Variants in HUWE1 observed in about 807,000 individuals in gnomAD.
The protein encoded by HUWE1 is E3 ubiquitin-protein ligase HUWE1.
A neutral mutation model predicts 299.4 loss-of-function variants in HUWE1; 18 were observed. That is an observed-to-expected ratio of 0.06 (90% CI 0.04 to 0.09). The LOEUF is 0.09. Ranked by LOEUF, HUWE1 falls within the 10% of genes least tolerant of loss-of-function variation. HUWE1 has a pLI of 1.00. For missense variants in HUWE1, 1,832 were observed against 3,462.3 expected, an observed-to-expected ratio of 0.53 and a Z score of 11.82; for synonymous variants, 1,317 against 1,286.1, an observed-to-expected ratio of 1.02 and a Z score of -0.51.
At chrX:53,681,515 T>C (rs1358839441) in intron 2 of HUWE1, among the ~76,000 whole-genome samples, 5 of 109,724 alleles carry the variant, frequency 4.6e-5, no homozygotes, top group African/African-American at 6.6e-5. Context: ...AAATATAAAA[T>C]GGCAATAACA....
chrX:53,628,676 C>A (rs1296845702), intron 14 of HUWE1, 56 bp from the exon 15 acceptor site: 2 of 1,204,108 alleles, frequency 1.7e-6, no homozygotes, highest in Admixed American at 4.4e-5. Context: ...TGCTGTTAAG[C>A]AGGCAGGATA....
At position 53,652,031 on chromosome X, in the gene HUWE1, T is replaced by C. The variant is rs183116361; in HGVS notation, c.45+2032A>G. On this transcript the variant is annotated intron_variant, in intron 4 of 83. Coordinates refer to ENST00000262854, the MANE Select transcript of HUWE1 (RefSeq NM_031407.7). ...TTTAAAAACGGGCAAGGGTCTTGAA[T>C]AGACATTTATCCAGATGTCTATTTA... Among the ~76,000 whole-genome samples, 177 of 112,053 alleles carry C rather than the reference T, an allele frequency of 1.6e-3. 2 individuals carry two copies. Among genetic ancestry groups the C allele is most frequent in the African/African-American group, 5.4e-3 (167 of 30,842 alleles).
In HUWE1 at chrX:53,546,578, G is replaced by A. The variant is rs1556923035; in HGVS notation, c.10773C>T (p.His3591=). The A allele has an allele frequency of 8.3e-7, 1 of 1,210,158 alleles. No individual in the cohort carries two copies. The change falls in exon 70 of 84, where the codon CAC becomes CAT. Residue 3591 remains histidine, a synonymous_variant. Transcript: ENST00000262854. ...CCTCTAAGCCTTCCTCAGAACAAGAGTGGGATGTCAACACCTGAGAAAAAG... is the reference window on the plus strand; with the variant it reads ...CCTCTAAGCCTTCCTCAGAACAAGAATGGGATGTCAACACCTGAGAAAAAG... ...LQLSVEVLTS[H]SCSEEGLEDA...
chrX:53,676,926 C>G, intron 3 of HUWE1, among the ~76,000 whole-genome samples: 1 of 110,859 alleles, frequency 9.0e-6, no homozygotes, highest in East Asian at 2.8e-4. Context: ...GCTGAGTAAC[C>G]AAATAAAAGA....
At chrX:53,603,202 T>C (rs1556992864) in intron 27 of HUWE1, among the ~76,000 whole-genome samples, 166 bp downstream of exon 27, 1 of 111,401 alleles carries the variant, frequency 9.0e-6, no homozygotes, top group Non-Finnish European at 1.9e-5. Flanking sequence ...TTTAAACATC[T>C]ACCATGACGA....
chrX:53,641,710 T>C (rs1311746955), intron 7 of HUWE1, among the ~76,000 whole-genome samples: 3 of 111,947 alleles, frequency 2.7e-5, no homozygotes, highest in African/African-American at 9.7e-5. Context: ...TAAAAAATCA[T>C]ATGTATCAAT....
chrX:53,570,875 C>T (rs1333920653), intron 47 of HUWE1, among the ~76,000 whole-genome samples: 2 of 112,648 alleles, frequency 1.8e-5, no homozygotes, highest in African/African-American at 6.4e-5. Flanking sequence ...AAAGAAAATG[C>T]ATTGAATAAT....
intron 2 of HUWE1, among the ~76,000 whole-genome samples, chrX:53,681,023 G>A (rs139745309): frequency 0.011 from 1,208 of 111,061 alleles, 22 homozygotes; most frequent in African/African-American, 0.038. Flanking sequence ...TTTTCACCAC[G>A]TTTCTACTTC....
intron 70 of HUWE1, among the ~76,000 whole-genome samples, chrX:53,546,074 G>A (rs147164730): frequency 8.9e-6 from 1 of 111,878 alleles, no homozygotes; most frequent in South Asian, 3.7e-4. Flanking sequence ...GCAGTGTAGG[G>A]ACATACTTTG....
intron 66 of HUWE1, 89 bp downstream of exon 66, chrX:53,550,577 G>C: frequency 3.6e-6 from 3 of 836,632 alleles, no homozygotes; most frequent in Non-Finnish European, 5.3e-6. Context: ...CTGCCTGTCA[G>C]GATTTCAGCT....
rs1266542632 is a variant in HUWE1, at chrX:53,569,778, T to G, written c.6362A>C (p.Gln2121Pro). ...AGGGGTGTCCTTGTCTTCTGCATTCTGGGTATGTGGGAGCAGGTGGTCCAG... is the reference window on the plus strand; with the variant it reads ...AGGGGTGTCCTTGTCTTCTGCATTCGGGGTATGTGGGAGCAGGTGGTCCAG... ...FVLDHLLPHT[Q>P]NAEDKDTPAL... The change falls in exon 48 of 84, where the codon CAG becomes CCG. Residue 2121 changes from glutamine (Q) to proline (P), a missense_variant. By Grantham distance (76) the Gln-to-Pro change is moderately conservative (BLOSUM62 -1). This residue lies in a region of HUWE1 where 157 missense variants were observed against 252.3 expected (regional missense o/e 0.62). Coordinates refer to ENST00000262854, the MANE Select transcript of HUWE1 (RefSeq NM_031407.7). 2 of 1,210,779 alleles carry G rather than the reference T, an allele frequency of 1.7e-6. No individual in the cohort carries two copies. The highest frequency in any genetic ancestry group is 2.2e-6 in the Non-Finnish European group (2 of 895,401).
rs1055312590 is a variant in HUWE1, at chrX:53,654,216, G to T, written c.-24-85C>A. On this transcript the variant is annotated intron_variant, in intron 3 of 83. Coordinates refer to ENST00000262854, the MANE Select transcript of HUWE1 (RefSeq NM_031407.7). ...AGCTTGGACACAGACAATACAGAAT[G>T]AAGAGCAATGCAAAATGCTTAAAGT... 6.8e-6 allele frequency: 4 copies of T among 586,357 alleles called. No homozygotes were observed. The African/African-American group carries it at 9.1e-5, about 13-fold the overall frequency. The allele number at this position is 586,357 out of a possible 1,213,427, so 48.3% of individuals were successfully genotyped here. A position where few individuals can be genotyped will look rare whatever the true frequency, so the allele number is the denominator to read the frequency against.
intron 19 of HUWE1, among the ~76,000 whole-genome samples, chrX:53,620,284 C>T (rs2066062159): frequency 9.8e-6 from 1 of 102,556 alleles, no homozygotes; most frequent in South Asian, 4.7e-4. Flanking sequence ...GAGACAAGGT[C>T]TCACTCTGTT....
At chrX:53,684,191 C>G (rs1336488157) in intron 2 of HUWE1, 2 of 239,315 alleles carry the variant, frequency 8.4e-6, no homozygotes, top group Admixed American at 6.8e-5. Context: ...ACGGCCGGCT[C>G]CCGCATGCGT....
At chrX:53,592,730 C>T in intron 32 of HUWE1, 102 bp from the exon 33 acceptor site, 1 of 602,678 alleles carries the variant, frequency 1.7e-6, no homozygotes. Flanking sequence ...ACAACTAGTA[C>T]CAGCAACAAA....
chrX:53,544,059 G>A, intron 72 of HUWE1, 91 bp from the exon 73 acceptor site: 2 of 836,883 alleles, frequency 2.4e-6, no homozygotes, highest in East Asian at 3.4e-5. Context: ...GCTGCCACAG[G>A]GCATCTTGCT....
At chrX:53,674,517 G>A (rs782466695) in intron 3 of HUWE1, among the ~76,000 whole-genome samples, 2 of 112,291 alleles carry the variant, frequency 1.8e-5, no homozygotes, top group African/African-American at 3.2e-5. Context: ...GTCTTGTGAA[G>A]AAATGAAACA....
chrX:53,663,533 T>C (rs1488854740), intron 3 of HUWE1, among the ~76,000 whole-genome samples: 1 of 109,485 alleles, frequency 9.1e-6, no homozygotes, highest in East Asian at 2.8e-4. Flanking sequence ...AATATATATA[T>C]AGGCTGTAAA....
intron 80 of HUWE1, chrX:53,535,815 G>C (rs1477761347): frequency 1.4e-5 from 5 of 370,215 alleles, no homozygotes; most frequent in South Asian, 3.9e-5. Context: ...CTTAGGAAAA[G>C]AATTTAGGAG....
Sources: gnomAD v4.1 joint callset for allele counts (sites outside exome capture counted in the v4.1 genomes callset) on GRCh38, gnomAD v4.1.1 for gene constraint, gnomAD v4.1.1 regional missense constraint, MANE v1.5 for transcripts, NCBI Gene and HGNC (gene_info 2026-07-23, HGNC 2026-07-21) for gene names.